DPF3: variants seen among roughly 807,000 people sequenced by gnomAD.
The protein encoded by DPF3 is double PHD fingers 3.
A neutral mutation model predicts 56.8 loss-of-function variants in DPF3; 18 were observed. The ratio of observed to expected loss-of-function variants is 0.32; its 90% confidence interval spans 0.22 to 0.47. DPF3 has a LOEUF of 0.47. Ranked by LOEUF, DPF3 falls within the 20% of genes least tolerant of loss-of-function variation. The probability of loss-of-function intolerance (pLI) is 1.00; values close to 1 mark genes in which losing one functional copy is unlikely to be tolerated. For missense variants in DPF3, 403 were observed against 488.8 expected (o/e 0.82, Z 1.65); for synonymous variants, 188 against 180.2 (o/e 1.04, Z -0.35).
intron 2 of DPF3, among the ~76,000 whole-genome samples, chr14:72,764,484 GTTTTTTTTTTTTTTTTTTT>G (rs57886183): frequency 1.9e-5 from 1 of 52,770 alleles, no homozygotes; most frequent in Non-Finnish European, 3.3e-5. Flanking sequence ...TTCCTGAGTT[GTTTTTTTTTTTTTTTTTTT>G]TTTTTTTTTT....
chr14:72,890,494 A>AAATAAT (rs6145389), intron 1 of DPF3, among the ~76,000 whole-genome samples: 4 of 51,128 alleles, frequency 7.8e-5, no homozygotes, highest in African/African-American at 5.2e-4. Flanking sequence ...CTGTCTCAAA[A>AAATAAT]AATAATGATA....
intron 1 of DPF3, among the ~76,000 whole-genome samples, chr14:72,788,116 C>T (rs1276775231): frequency 6.6e-6 from 1 of 152,218 alleles, no homozygotes; most frequent in African/African-American, 2.4e-5. Flanking sequence ...GTGCCTGACC[C>T]TGACGGGCAT....
chr14:72,715,777 C>T (rs1888895351), intron 5 of DPF3, among the ~76,000 whole-genome samples: 1 of 151,942 alleles, frequency 6.6e-6, no homozygotes, highest in Non-Finnish European at 1.5e-5. Context: ...ACCTCTGCCA[C>T]CTCCTCAGCT....
intron 7 of DPF3, among the ~76,000 whole-genome samples, chr14:72,690,501 C>A (rs922813290): frequency 6.6e-6 from 1 of 151,716 alleles, no homozygotes; most frequent in African/African-American, 2.4e-5. Flanking sequence ...GGTACACACA[C>A]AATACACATG....
At chr14:72,774,824 T>C (rs1005791705) in intron 1 of DPF3, among the ~76,000 whole-genome samples, 2 of 152,146 alleles carry the variant, frequency 1.3e-5, no homozygotes, top group South Asian at 2.1e-4. Context: ...GCTATAAAAC[T>C]GAATGGCACA....
rs1338826820 is a variant in DPF3, at chr14:72,614,803, T to G, written c.*4494A>C. Among the ~76,000 whole-genome samples the G allele has an allele frequency of 5.0e-5, 4 of 80,760 alleles. No homozygotes were observed. The highest frequency in any genetic ancestry group is 9.9e-5 in the Non-Finnish European group (4 of 40,346). 53.0% of individuals were successfully genotyped at this position (80,760 alleles called of 152,430 possible). A position where few individuals can be genotyped will look rare whatever the true frequency, so the allele number is the denominator to read the frequency against. On this transcript the variant is annotated 3_prime_UTR_variant, in exon 11 of 11. Transcript: ENST00000556509. ...AAAAAAAAAAAAGAGTTACAATCAC[T>G]GTTCACTCCCACCTGCTGCCCTCCA...
rs1213240018 is a variant in DPF3, at chr14:72,731,955, G to A, written c.302-21C>T. 7 of 1,562,758 alleles carry A rather than the reference G, an allele frequency of 4.5e-6. No individual in the cohort carries two copies. The South Asian group carries it at 8.3e-5, about 18-fold the overall frequency. ...CACTTCTGAAAAACAAAGATAGAAA[G>A]GCAGGTCAGGCCACTAGAAGCAGGC... On this transcript the variant is annotated intron_variant, in intron 3 of 10. Coordinates refer to ENST00000556509, the MANE Select transcript of DPF3 (RefSeq NM_001280542.3).
chr14:72,662,608 A>G, intron 8 of DPF3: 3 of 985,404 alleles, frequency 3.0e-6, no homozygotes, highest in Non-Finnish European at 3.6e-6. Context: ...GCACAAACTG[A>G]GGCCATTCCC....
intron 1 of DPF3, among the ~76,000 whole-genome samples, chr14:72,887,932 A>T (rs144614178): frequency 7.4e-4 from 113 of 152,332 alleles, no homozygotes; most frequent in African/African-American, 2.3e-3. Flanking sequence ...CCAAGTGCAG[A>T]TCATTCAAAC....
At chr14:72,800,431 T>C (rs1331485367) in intron 1 of DPF3, among the ~76,000 whole-genome samples, 1 of 151,806 alleles carries the variant, frequency 6.6e-6, no homozygotes, top group African/African-American at 2.4e-5. Context: ...GACGGACACA[T>C]GGATGGATGC....
At chr14:72,861,082 C>T (rs909696995) in intron 1 of DPF3, among the ~76,000 whole-genome samples, 1 of 149,610 alleles carries the variant, frequency 6.7e-6, no homozygotes, top group African/African-American at 2.4e-5. Context: ...CACATACACA[C>T]TTCCTTTCTC....
intron 5 of DPF3, among the ~76,000 whole-genome samples, chr14:72,715,103 T>C (rs1432108449): frequency 6.6e-6 from 1 of 152,022 alleles, no homozygotes; most frequent in Non-Finnish European, 1.5e-5. Context: ...CACCAGCCCA[T>C]GCTTGGCCTA....
At chr14:72,622,425 A>G (rs1884512993) in intron 9 of DPF3, among the ~76,000 whole-genome samples, 1 of 152,194 alleles carries the variant, frequency 6.6e-6, no homozygotes, top group Admixed American at 6.5e-5. Context: ...AATTTGATTT[A>G]GGGATAATAC....
At chr14:72,748,331 G>A (rs1890411391) in intron 3 of DPF3, among the ~76,000 whole-genome samples, 1 of 152,252 alleles carries the variant, frequency 6.6e-6, no homozygotes, top group South Asian at 2.1e-4. Flanking sequence ...GAACTTGAGA[G>A]AGATGATTTA....
chr14:72,858,645 GT>G (rs1567259319), intron 1 of DPF3, among the ~76,000 whole-genome samples: 1 of 152,244 alleles, frequency 6.6e-6, no homozygotes, highest in East Asian at 1.9e-4. Context: ...GGAGTTTACA[GT>G]CTAGCCCTGC....
At chr14:72,799,826 G>A (rs146851934) in intron 1 of DPF3, among the ~76,000 whole-genome samples, 1 of 152,160 alleles carries the variant, frequency 6.6e-6, no homozygotes, top group Non-Finnish European at 1.5e-5. Context: ...GAAGCAGCTG[G>A]GAGCCACCCA....
chr14:72,739,784 T>C (rs1231087859), intron 3 of DPF3, among the ~76,000 whole-genome samples: 3 of 152,166 alleles, frequency 2.0e-5, no homozygotes, highest in African/African-American at 7.2e-5. Flanking sequence ...ATCCCTTCAT[T>C]TGGCAAGTAA....
intron 1 of DPF3, among the ~76,000 whole-genome samples, chr14:72,875,027 A>G (rs1259378651): frequency 6.6e-6 from 1 of 152,084 alleles, no homozygotes; most frequent in Non-Finnish European, 1.5e-5. Context: ...CTTATATGGC[A>G]GCAGCAAGAG....
In DPF3 at chr14:72,611,772, G is replaced by A. The variant is rs1263744047; in HGVS notation, c.*7525C>T. Among the ~76,000 whole-genome samples, 5 of 152,156 alleles carry A rather than the reference G, an allele frequency of 3.3e-5. No individual in the cohort carries two copies. The highest frequency in any genetic ancestry group is 1.2e-4 in the African/African-American group (5 of 41,436). ...AGCAGATTAAAGCAACTAGGCTGAG[G>A]TCATCTGTTTTCTTCCCCCGACCCC... On this transcript the variant is annotated 3_prime_UTR_variant, in exon 11 of 11. Coordinates refer to ENST00000556509, the MANE Select transcript of DPF3 (RefSeq NM_001280542.3).
Sources: gnomAD v4.1 joint callset for allele counts (sites outside exome capture counted in the v4.1 genomes callset) on GRCh38, gnomAD v4.1.1 for gene constraint, MANE v1.5 for transcripts, NCBI Gene and HGNC (gene_info 2026-07-23, HGNC 2026-07-21) for gene names.